Variants in FAT3 observed in about 807,000 individuals in gnomAD.
FAT3 encodes the protein protocadherin Fat 3.
FAT3 carries 95 observed loss-of-function variants against 310.2 expected under a neutral mutation model. That is an observed-to-expected ratio of 0.31 (90% CI 0.26 to 0.36). FAT3 has a LOEUF of 0.36. Ranked by LOEUF, FAT3 falls within the 10% of genes least tolerant of loss-of-function variation. The pLI is 1.00. For synonymous variants in FAT3, 2,314 were observed against 2,192.9 expected, an observed-to-expected ratio of 1.06 and a Z score of -1.54; for missense variants, 5,408 against 5,715.6, an observed-to-expected ratio of 0.95 and a Z score of 1.74.
At chr11:92,303,981 C>T (rs1947060611) in intron 1 of FAT3, among the ~76,000 whole-genome samples, 1 of 152,116 alleles carries the variant, frequency 6.6e-6, no homozygotes, top group African/African-American at 2.4e-5. Context: ...TGAGATTTGA[C>T]AACATATTCT....
At chr11:92,593,516 T>A (rs1329333759) in intron 3 of FAT3, among the ~76,000 whole-genome samples, 2 of 152,026 alleles carry the variant, frequency 1.3e-5, no homozygotes, top group Admixed American at 1.3e-4. Context: ...ACCTACTGAT[T>A]GAAAGATCCT....
rs199580154 is a variant in FAT3, at chr11:92,355,143, C to A, written c.3031C>A (p.Arg1011=). 6.2e-7 allele frequency: 1 copy of A among 1,613,728 alleles called. No homozygotes were observed. Among genetic ancestry groups the A allele is most frequent in the Non-Finnish European group, 8.5e-7 (1 of 1,179,828 alleles). ...EKQQFYNLTV[R]AKDKGRPVSL... is the part of the protein sequence containing the mutation. ...ACAGCAGTTCTATAACCTTACTGTG[C>A]GGGCCAAAGACAAAGGGCGGCCTGT... Residue 1011 remains arginine (R), a synonymous_variant, in exon 2 of 28, where the codon CGG becomes AGG. Coordinates refer to ENST00000525166, the MANE Select transcript of FAT3 (RefSeq NM_001367949.2).
chr11:92,788,857 A>G (rs958079223), intron 7 of FAT3, among the ~76,000 whole-genome samples: 1 of 152,196 alleles, frequency 6.6e-6, no homozygotes, highest in African/African-American at 2.4e-5. Flanking sequence ...AACAACAATA[A>G]CACCATAAAA....
rs543863866 is a variant in FAT3, at chr11:92,462,915, C to T, written c.3293-61719C>T. Among the ~76,000 whole-genome samples, 6 of 152,322 alleles carry T rather than the reference C, an allele frequency of 3.9e-5. No individual in the cohort carries two copies. In the South Asian group the frequency reaches 6.2e-4, roughly 16 times the overall value. On this transcript the variant is annotated intron_variant, in intron 2 of 27. Coordinates refer to ENST00000525166, the MANE Select transcript of FAT3 (RefSeq NM_001367949.2). ...AGAAATCTCACTTTCCTGCAGTCAACTCTGTTGCCCATTGGCATTTTTTAA... is the reference window on the plus strand; with the variant it reads ...AGAAATCTCACTTTCCTGCAGTCAATTCTGTTGCCCATTGGCATTTTTTAA...
chr11:92,816,541 C>T (rs543912684), intron 13 of FAT3, among the ~76,000 whole-genome samples: 2 of 152,290 alleles, frequency 1.3e-5, no homozygotes, highest in Admixed American at 6.5e-5. Context: ...ACTTGGTGAG[C>T]ACTCATTACC....
intron 3 of FAT3, 131 bp downstream of exon 3, chr11:92,525,079 A>G (rs1953814088): frequency 1.3e-6 from 1 of 786,384 alleles, no homozygotes; most frequent in Admixed American, 2.8e-5. Context: ...ATGGTTTCTG[A>G]AAAGGTGAGT....
At chr11:92,660,820 A>C (rs1485142791) in intron 3 of FAT3, among the ~76,000 whole-genome samples, 1 of 152,176 alleles carries the variant, frequency 6.6e-6, no homozygotes, top group Non-Finnish European at 1.5e-5. Flanking sequence ...CTTTCATCAT[A>C]TAGCTGTCAC....
intron 4 of FAT3, among the ~76,000 whole-genome samples, chr11:92,700,513 G>C (rs940728136): frequency 3.9e-5 from 6 of 152,130 alleles, no homozygotes; most frequent in Non-Finnish European, 8.8e-5. Context: ...ATCCAGGTGA[G>C]AGATGAGGGT....
At chr11:92,665,340 C>A (rs184263043) in intron 3 of FAT3, among the ~76,000 whole-genome samples, 234 of 152,264 alleles carry the variant, frequency 1.5e-3, no homozygotes, top group Non-Finnish European at 2.7e-3. Flanking sequence ...AAAATGACTC[C>A]AGTAAAAATA....
intron 19 of FAT3, among the ~76,000 whole-genome samples, chr11:92,849,437 A>G (rs1948763632): frequency 6.6e-6 from 1 of 152,180 alleles, no homozygotes. Context: ...TTGTCACATC[A>G]TCTAGCTGTA....
At chr11:92,676,336 A>G (rs1451036737) in intron 3 of FAT3, among the ~76,000 whole-genome samples, 1 of 152,184 alleles carries the variant, frequency 6.6e-6, no homozygotes, top group Non-Finnish European at 1.5e-5. Flanking sequence ...AAGCACATAC[A>G]GTTGGTCTTA....
At chr11:92,551,466 C>T (rs1490396984) in intron 3 of FAT3, among the ~76,000 whole-genome samples, 1 of 127,070 alleles carries the variant, frequency 7.9e-6, no homozygotes, top group Non-Finnish European at 1.7e-5. Flanking sequence ...ATAAACTTTT[C>T]TTCAAGCCTT....
intron 2 of FAT3, among the ~76,000 whole-genome samples, chr11:92,413,499 C>T (rs1284055615): frequency 1.3e-5 from 2 of 152,148 alleles, no homozygotes; most frequent in Non-Finnish European, 2.9e-5. Context: ...TTTTCTCCAA[C>T]TACACCTCTG....
intron 13 of FAT3, among the ~76,000 whole-genome samples, chr11:92,830,748 C>T (rs1282840160): frequency 6.6e-6 from 1 of 152,130 alleles, no homozygotes; most frequent in Non-Finnish European, 1.5e-5. Context: ...ATGACAACCC[C>T]CTCTTTCCAA....
At chr11:92,878,305 C>T (rs1333746287) in intron 22 of FAT3, among the ~76,000 whole-genome samples, 1 of 152,066 alleles carries the variant, frequency 6.6e-6, no homozygotes, top group Non-Finnish European at 1.5e-5. Context: ...TAATATGTTT[C>T]ATTTTAAGGT....
At chr11:92,880,416 G>A (rs1326571364) in intron 22 of FAT3, among the ~76,000 whole-genome samples, 1 of 151,134 alleles carries the variant, frequency 6.6e-6, no homozygotes, top group East Asian at 1.9e-4. Flanking sequence ...AATAGTGCCG[G>A]GGAGAAAACA....
In FAT3 at chr11:92,894,154, C is replaced by T. The variant is rs147902957; in HGVS notation, c.*3041C>T. 2 of 152,166 alleles carry T rather than the reference C, an allele frequency of 1.3e-5. No individual in the cohort carries two copies. Among genetic ancestry groups the T allele is most frequent in the Non-Finnish European group, 2.9e-5 (2 of 68,040 alleles). The allele number at this position is 152,166 out of a possible 1,614,324, so 9.4% of individuals were successfully genotyped here. On this transcript the variant is annotated 3_prime_UTR_variant, in exon 28 of 28. Transcript: ENST00000525166. ...TTCATGGAGAATATTTTTCTGAAAG[C>T]CTCATGATCTTATGTTTCCTTGCAG...
At chr11:92,720,858 A>T (rs1411417470) in intron 4 of FAT3, among the ~76,000 whole-genome samples, 1 of 152,228 alleles carries the variant, frequency 6.6e-6, no homozygotes, top group Non-Finnish European at 1.5e-5. Context: ...AATGTAAATG[A>T]TATTTGAACT....
intron 3 of FAT3, among the ~76,000 whole-genome samples, chr11:92,594,589 C>T (rs899625816): frequency 2.0e-5 from 3 of 152,162 alleles, no homozygotes. Context: ...TTATTGAACA[C>T]ATCTTTTCAG....
Sources: allele counts gnomAD v4.1 joint callset (sites outside exome capture counted in the v4.1 genomes callset), GRCh38; gene constraint gnomAD v4.1.1; transcripts MANE v1.5; gene names NCBI Gene and HGNC (gene_info 2026-07-23, HGNC 2026-07-21).